The following MSN variants were observed in gnomAD, a reference collection of about 807,000 sequenced individuals.
MSN encodes moesin.
In MSN, 2 loss-of-function variants were observed where a neutral mutation model predicts 48.0. That is an observed-to-expected ratio of 0.04 (90% CI 0.02 to 0.13). MSN has a LOEUF of 0.13. Among genes scored for constraint, MSN ranks in the 10% least tolerant of loss-of-function variants. MSN has a pLI of 1.00. For synonymous variants in MSN, 146 were observed against 166.9 expected, an observed-to-expected ratio of 0.87 and a Z score of 0.97; for missense variants, 267 against 470.1, an observed-to-expected ratio of 0.57 and a Z score of 3.99.
At chrX:65,720,426 A>C (rs1327545117) in intron 2 of MSN, among the ~76,000 whole-genome samples, 2 of 112,402 alleles carry the variant, frequency 1.8e-5, no homozygotes, top group Non-Finnish European at 3.8e-5. Context: ...AGAGGGACAG[A>C]GGTGGACCCC....
chrX:65,619,299 G>A (rs1261210734), intron 1 of MSN, among the ~76,000 whole-genome samples: 4 of 102,160 alleles, frequency 3.9e-5, no homozygotes, highest in African/African-American at 1.7e-4. Context: ...ATCCTGCAGA[G>A]TGTTTTCCAA....
intron 1 of MSN, among the ~76,000 whole-genome samples, chrX:65,657,131 G>A (rs2070787852): frequency 9.0e-6 from 1 of 111,615 alleles, no homozygotes; most frequent in African/African-American, 3.3e-5. Context: ...AAGCTGTGAA[G>A]GACACACAGA....
At chrX:65,591,849 C>T (rs182591796) in intron 1 of MSN, among the ~76,000 whole-genome samples, 1 of 111,289 alleles carries the variant, frequency 9.0e-6, no homozygotes, top group East Asian at 2.8e-4. Context: ...TCATCCCTGC[C>T]CCTGCCATCT....
intron 1 of MSN, among the ~76,000 whole-genome samples, chrX:65,696,686 G>T (rs2071245181): frequency 9.0e-6 from 1 of 111,266 alleles, no homozygotes; most frequent in South Asian, 3.8e-4. Context: ...GGTGGTAGGG[G>T]TGCTAAAAAC....
rs1057246157 is a variant in MSN at position 65,598,370 on chromosome X, AAG to A, written c.-22+9764_-22+9765del. 3.6e-5 allele frequency among the ~76,000 whole-genome samples: 4 copies of A among 109,954 alleles called. No individual in the cohort carries two copies. In the Admixed American group the frequency reaches 3.9e-4, roughly 11 times the overall value. ...GAAAGAAACACAGAGAGAGAAACAG[AAG>A]AGAGAAAGAAACAGAGAAGGGAAGA... On this transcript the variant is annotated intron_variant, in intron 1 of 3. Transcript: ENST00000609672.
chrX:65,670,899 TATATATA>T (rs2070928672), intron 1 of MSN, among the ~76,000 whole-genome samples: 12 of 585 alleles, frequency 0.021, 1 homozygote, highest in East Asian at 0.061. Flanking sequence ...ATGACAGTTA[TATATATA>T]TATATATATA....
chrX:65,633,781 C>T (rs1046313913), intron 1 of MSN, among the ~76,000 whole-genome samples: 3 of 112,090 alleles, frequency 2.7e-5, no homozygotes, highest in South Asian at 7.5e-4. Flanking sequence ...AGGAAGGAAC[C>T]TTTCTCACAC....
At chrX:65,652,051 G>C (rs2070746595) in intron 1 of MSN, among the ~76,000 whole-genome samples, 1 of 108,551 alleles carries the variant, frequency 9.2e-6, no homozygotes, top group South Asian at 4.1e-4. Context: ...AGAAGTTCAA[G>C]ACCAGCCTCT....
At chrX:65,680,132 T>G (rs1475498027) in intron 1 of MSN, among the ~76,000 whole-genome samples, 1 of 112,149 alleles carries the variant, frequency 8.9e-6, no homozygotes, top group Non-Finnish European at 1.9e-5. Flanking sequence ...GAAGAAGGAA[T>G]GTAGAGTCAA....
At chrX:65,627,222 G>A (rs1367622155) in intron 1 of MSN, among the ~76,000 whole-genome samples, 2 of 99,428 alleles carry the variant, frequency 2.0e-5, no homozygotes, top group Non-Finnish European at 3.8e-5. Flanking sequence ...TTAAATAAGA[G>A]CTTTATTGAG....
At chrX:65,664,008 C>G (rs1411325208), upstream of MSN, among the ~76,000 whole-genome samples, 2 of 103,936 alleles carry the variant, frequency 1.9e-5, no homozygotes, top group South Asian at 8.9e-4. Flanking sequence ...TGAAGTGAGC[C>G]GAGATCACGC....
At chrX:65,656,373 G>A (rs895599886) in intron 1 of MSN, among the ~76,000 whole-genome samples, 6 of 109,374 alleles carry the variant, frequency 5.5e-5, no homozygotes, top group African/African-American at 2.0e-4. Flanking sequence ...CATTAGTCTT[G>A]TCTCCTAACA....
intron 1 of MSN, among the ~76,000 whole-genome samples, chrX:65,633,894 T>C (rs2070578090): frequency 8.9e-6 from 1 of 112,169 alleles, no homozygotes; most frequent in African/African-American, 3.2e-5. Flanking sequence ...TTCAGAAGAA[T>C]GGTCATGTGT....
Position 65,735,337 on chromosome X carries a change from A to T in MSN, c.866A>T (p.Glu289Val). The T allele has an allele frequency of 8.3e-7, 1 of 1,210,607 alleles. No individual in the cohort carries two copies. Among genetic ancestry groups the T allele is most frequent in the Admixed American group, 2.2e-5 (1 of 46,016 alleles). The change falls in exon 8 of 13, where the codon GAA (glutamate) becomes GTA (valine). Residue 289 changes from glutamate (E) to valine (V), a missense_variant. This residue lies in a region of MSN where 58 missense variants were observed against 104.6 expected (regional missense o/e 0.55). Coordinates refer to ENST00000360270, the MANE Select transcript of MSN (RefSeq NM_002444.3). ...RILALCMGNH[E>V]LYMRRRKPDT... ...TTGGCCTTGTGCATGGGGAACCATG[A>T]ACTATACATGCGCCGTCGCAAGCCT... is the stretch of plus-strand genomic sequence containing the variant.
intron 1 of MSN, among the ~76,000 whole-genome samples, chrX:65,699,568 T>C (rs781080069): frequency 1.8e-5 from 2 of 108,597 alleles, no homozygotes; most frequent in African/African-American, 6.7e-5. Flanking sequence ...GCTAACACAG[T>C]GAAACACCGT....
At chrX:65,633,749 CTCTAAAGGTAT>C (rs1366853365) in intron 1 of MSN, among the ~76,000 whole-genome samples, 2 of 112,375 alleles carry the variant, frequency 1.8e-5, no homozygotes, top group Admixed American at 9.5e-5. Flanking sequence ...GTCTAACATT[CTCTAAAGGTAT>C]TTGTAATAAT....
At chrX:65,689,458 G>A (rs1434458509) in intron 1 of MSN, among the ~76,000 whole-genome samples, 3 of 111,720 alleles carry the variant, frequency 2.7e-5, no homozygotes, top group African/African-American at 9.8e-5. Flanking sequence ...ATGTGGATGA[G>A]GAGGGAAGAA....
At chrX:65,679,031 C>T (rs2071029530) in intron 1 of MSN, among the ~76,000 whole-genome samples, 1 of 111,600 alleles carries the variant, frequency 9.0e-6, no homozygotes, top group Non-Finnish European at 1.9e-5. Flanking sequence ...ATGTAAGCAG[C>T]CCCCTCTATT....
In MSN at chrX:65,667,770, G is replaced by T; in HGVS notation, c.-72G>T. 1.7e-6 allele frequency: 2 copies of T among 1,202,689 alleles called. No individual in the cohort carries two copies. The highest frequency in any genetic ancestry group is 1.7e-5 in the African/African-American group (1 of 57,864). On this transcript the variant is annotated 5_prime_UTR_variant, in exon 1 of 13. Transcript: ENST00000360270. The stretch of plus-strand genomic sequence containing the variant: ...CCCCGGCCAGCCGAATCCAAGCCGT[G>T]TGTACTGCGTGCTCAGCACTGCCCG...
Sources: gnomAD v4.1 joint callset for allele counts (sites outside exome capture counted in the v4.1 genomes callset) on GRCh38, gnomAD v4.1.1 for gene constraint, gnomAD v4.1.1 regional missense constraint, MANE v1.5 for transcripts, NCBI Gene and HGNC (gene_info 2026-07-23, HGNC 2026-07-21) for gene names.